The following FGF14 variants were observed in gnomAD, a reference collection of about 807,000 sequenced individuals.
FGF14 encodes the protein fibroblast growth factor homologous factor 4.
FGF14 carries 5 observed loss-of-function variants against 25.5 expected under a neutral mutation model. That is an observed-to-expected ratio of 0.20 (90% CI 0.10 to 0.41). The LOEUF (loss-of-function observed/expected upper bound fraction) is 0.41. Ranked by LOEUF, FGF14 falls within the 10% of genes least tolerant of loss-of-function variation. FGF14 has a pLI of 1.00. For missense variants in FGF14, 222 were observed against 320.1 expected, an observed-to-expected ratio of 0.69 and a Z score of 2.34; for synonymous variants, 138 against 118.3, an observed-to-expected ratio of 1.17 and a Z score of -1.08.
intron 1 of FGF14, among the ~76,000 whole-genome samples, chr13:101,962,594 C>T (rs571922161): frequency 1.1e-4 from 17 of 151,942 alleles, no homozygotes; most frequent in African/African-American, 4.1e-4. Flanking sequence ...TGTCATAAAG[C>T]CATTTAGGAT....
chr13:101,950,310 T>C (rs2036078080), intron 1 of FGF14, among the ~76,000 whole-genome samples: 1 of 152,216 alleles, frequency 6.6e-6, no homozygotes, highest in African/African-American at 2.4e-5. Context: ...TGTATCCTAA[T>C]TGATACGCTT....
chr13:101,813,014 T>G (rs1044520237), intron 3 of FGF14, among the ~76,000 whole-genome samples: 16 of 152,174 alleles, frequency 1.1e-4, no homozygotes, highest in Admixed American at 6.5e-4. Flanking sequence ...CCTATACTTT[T>G]GTGCATTTCA....
At chr13:102,221,215 G>A (rs764584637) in intron 1 of FGF14, among the ~76,000 whole-genome samples, 4 of 152,092 alleles carry the variant, frequency 2.6e-5, no homozygotes, top group Non-Finnish European at 5.9e-5. Flanking sequence ...GCATTATGGA[G>A]ACAACTCTTA....
At chr13:102,124,214 A>G (rs2045854851) in intron 1 of FGF14, among the ~76,000 whole-genome samples, 4 of 152,160 alleles carry the variant, frequency 2.6e-5, no homozygotes, top group Admixed American at 1.3e-4. Flanking sequence ...GTCCCACTTG[A>G]AAGTATTAAC....
intron 1 of FGF14, among the ~76,000 whole-genome samples, chr13:102,235,640 C>T (rs1345752235): frequency 6.6e-6 from 1 of 152,118 alleles, no homozygotes; most frequent in Admixed American, 6.5e-5. Context: ...ATTTTTTAAT[C>T]CCTTATTTCT....
intron 3 of FGF14, among the ~76,000 whole-genome samples, chr13:101,788,897 TATATATATATATAGAGAGAGAG>T (rs1216414019): frequency 2.2e-4 from 11 of 49,686 alleles, no homozygotes; most frequent in Admixed American, 5.9e-4. Context: ...TATATATATA[TATATATATATATAGAGAGAGAG>T]AGAGAGAGAG....
At chr13:101,998,139 CA>C (rs1331000050) in intron 1 of FGF14, among the ~76,000 whole-genome samples, 5 of 151,336 alleles carry the variant, frequency 3.3e-5, no homozygotes, top group Admixed American at 3.3e-4. Context: ...ATACGCTTCT[CA>C]AAAAAAACTA....
chr13:102,377,805 T>C (rs1308088588), intron 1 of FGF14, among the ~76,000 whole-genome samples: 1 of 152,098 alleles, frequency 6.6e-6, no homozygotes, highest in African/African-American at 2.4e-5. Context: ...CAAAACTCTG[T>C]CTCAACAACA....
intron 3 of FGF14, among the ~76,000 whole-genome samples, chr13:101,794,745 T>C (rs3918325): frequency 0.41 from 62,571 of 152,022 alleles, 15,172 homozygotes; most frequent in Non-Finnish European, 0.54. Context: ...AATACAATTA[T>C]GAAATGGAAA....
At chr13:102,335,026 T>C (rs376153491) in intron 1 of FGF14, among the ~76,000 whole-genome samples, 4 of 152,184 alleles carry the variant, frequency 2.6e-5, no homozygotes, top group African/African-American at 4.8e-5. Context: ...TTCCCGTCTA[T>C]ACCCTCTTCC....
chr13:102,401,842 T>A (rs1031047014), upstream of FGF14: 93 of 673,990 alleles, frequency 1.4e-4, 1 homozygote, highest in Admixed American at 1.6e-3. Flanking sequence ...AAAATCCTTT[T>A]TCAGCATGAA....
intron 1 of FGF14, among the ~76,000 whole-genome samples, chr13:102,067,276 G>T (rs2042942538): frequency 6.6e-6 from 1 of 152,124 alleles, no homozygotes; most frequent in South Asian, 2.1e-4. Flanking sequence ...ACTTGTAAAT[G>T]ACCACTCAGC....
intron 1 of FGF14, among the ~76,000 whole-genome samples, chr13:102,351,509 A>T (rs1355221306): frequency 1.3e-5 from 2 of 152,214 alleles, no homozygotes; most frequent in Non-Finnish European, 2.9e-5. Flanking sequence ...TTCCTGCAAA[A>T]TTCAGTGGCT....
At chr13:101,739,108 CAT>C (rs1491537948) in intron 3 of FGF14, among the ~76,000 whole-genome samples, 14 of 56,512 alleles carry the variant, frequency 2.5e-4, no homozygotes, top group East Asian at 9.8e-4. Context: ...TATATATATA[CAT>C]GTATATATAT....
intron 1 of FGF14, among the ~76,000 whole-genome samples, chr13:102,256,286 G>A (rs185600519): frequency 2.6e-5 from 4 of 151,896 alleles, no homozygotes; most frequent in East Asian, 1.9e-4. Flanking sequence ...AGAGCTTAGC[G>A]GTTCAAGACC....
intron 1 of FGF14, among the ~76,000 whole-genome samples, chr13:102,130,884 G>A (rs779276589): frequency 5.3e-5 from 8 of 152,080 alleles, no homozygotes; most frequent in Non-Finnish European, 1.0e-4. Flanking sequence ...CAGATCAAAT[G>A]CTCAGATTTT....
chr13:101,762,888 T>C (rs1173700964), intron 3 of FGF14, among the ~76,000 whole-genome samples: 1 of 152,192 alleles, frequency 6.6e-6, no homozygotes, highest in Non-Finnish European at 1.5e-5. Context: ...AATATTTTCA[T>C]GCTAGTCAGT....
Position 101,773,360 on chromosome 13 carries a change from C to T in FGF14, c.409-46550G>A, listed in dbSNP as rs118093682. Among the ~76,000 whole-genome samples the T allele has an allele frequency of 7.3e-3, 1,113 of 152,100 alleles. 8 individuals are homozygous for T. The highest frequency in any genetic ancestry group is 0.012 in the Non-Finnish European group (809 of 67,980). On this transcript the variant is annotated intron_variant, in intron 3 of 4. Coordinates refer to ENST00000376143, the MANE Select transcript of FGF14 (RefSeq NM_004115.4). ...CTTAGCTAATAGGAAATCTAATCTG[C>T]GACTAATGACAAATGTGTGCTCTTT...
chr13:102,070,527 T>C (rs1354076979), intron 1 of FGF14, among the ~76,000 whole-genome samples: 1 of 152,232 alleles, frequency 6.6e-6, no homozygotes, highest in African/African-American at 2.4e-5. Flanking sequence ...ATCCCACTGA[T>C]AGGCATATAC....
Sources: gnomAD v4.1 joint callset for allele counts (sites outside exome capture counted in the v4.1 genomes callset) on GRCh38, gnomAD v4.1.1 for gene constraint, MANE v1.5 for transcripts, NCBI Gene and HGNC (gene_info 2026-07-23, HGNC 2026-07-21) for gene names.